Variants in TNIK observed in about 807,000 individuals in gnomAD.
TNIK encodes the protein TRAF2 and NCK-interacting protein kinase.
In TNIK, 49 loss-of-function variants were observed where a neutral mutation model predicts 191.3. The ratio of observed to expected loss-of-function variants is 0.26; its 90% CI spans 0.20 to 0.32. The LOEUF (loss-of-function observed/expected upper bound fraction) is 0.32, where lower values mean the gene tolerates loss of function less well. Ranked by LOEUF, TNIK falls within the 10% of genes least tolerant of loss-of-function variation. The pLI is 1.00. For synonymous variants in TNIK, 594 were observed against 600.9 expected, an observed-to-expected ratio of 0.99 and a Z score of 0.17; for missense variants, 1,155 against 1,702.3, an observed-to-expected ratio of 0.68 and a Z score of 5.66.
intron 12 of TNIK, among the ~76,000 whole-genome samples, chr3:171,155,650 G>A (rs915463110): frequency 6.6e-6 from 1 of 152,224 alleles, no homozygotes; most frequent in Non-Finnish European, 1.5e-5. Flanking sequence ...CAAGAGAAGA[G>A]ACACAAAGGA....
At chr3:171,411,495 T>TA (rs775766753) in intron 1 of TNIK, among the ~76,000 whole-genome samples, 1,669 of 148,294 alleles carry the variant, frequency 0.011, 39 homozygotes, top group African/African-American at 0.038. Context: ...GTCATCTGGG[T>TA]AAAAAAAAAA....
At chr3:171,127,531 T>C (rs1361437568) in intron 16 of TNIK, among the ~76,000 whole-genome samples, 1 of 152,204 alleles carries the variant, frequency 6.6e-6, no homozygotes, top group Non-Finnish European at 1.5e-5. Flanking sequence ...ATTTTCACTC[T>C]GGTTGTTCTC....
At chr3:171,096,005 A>AT (rs768852694) in intron 22 of TNIK, among the ~76,000 whole-genome samples, 41 of 151,124 alleles carry the variant, frequency 2.7e-4, no homozygotes, top group East Asian at 3.9e-4. Flanking sequence ...TGTATCTTCC[A>AT]TTTTTTTTTC....
rs1017969369 is a variant in TNIK, at chr3:171,126,264, C to T, written c.1774-113G>A. On this transcript the variant is annotated intron_variant, in intron 16 of 32. Transcript: ENST00000436636. Reference sequence around the variant, plus strand: ...AAAGTTCAAGGGCACAAAAATTGGACTATAGAGAGTCTATCACAACTATAT... The same window carrying T: ...AAAGTTCAAGGGCACAAAAATTGGATTATAGAGAGTCTATCACAACTATAT... 5.3e-6 allele frequency: 7 copies of T among 1,330,826 alleles called. No homozygotes were observed. In the African/African-American group the frequency reaches 7.5e-5, roughly 14 times the overall value. 82.4% of individuals were successfully genotyped at this position (1,330,826 alleles called of 1,614,324 possible).
intron 21 of TNIK, 25 bp downstream of exon 21, chr3:171,107,158 A>G (rs1725029420): frequency 5.0e-6 from 8 of 1,603,522 alleles, no homozygotes; most frequent in Non-Finnish European, 6.8e-6. Flanking sequence ...TTGTGAAAGC[A>G]TGACCAAGAA....
chr3:171,178,096 ATTTGGACTGTTTCTAG>A (rs1736169761), intron 7 of TNIK, among the ~76,000 whole-genome samples: 1 of 152,130 alleles, frequency 6.6e-6, no homozygotes, highest in Non-Finnish European at 1.5e-5. Context: ...CTGTTTTTGC[ATTTGGACTGTTTCTAG>A]TTTGGGCTAT....
At chr3:171,447,330 A>T (rs1244390628) in intron 1 of TNIK, among the ~76,000 whole-genome samples, 1 of 151,382 alleles carries the variant, frequency 6.6e-6, no homozygotes, top group Non-Finnish European at 1.5e-5. Flanking sequence ...ACACGTTATA[A>T]TCTGACATTG....
At chr3:171,280,653 A>T (rs924091816) in intron 2 of TNIK, among the ~76,000 whole-genome samples, 3 of 40,648 alleles carry the variant, frequency 7.4e-5, no homozygotes, top group East Asian at 2.6e-4. Flanking sequence ...CTCTAAATTA[A>T]AAAAAAAAAA....
intron 1 of TNIK, among the ~76,000 whole-genome samples, chr3:171,431,649 G>C (rs1725408488): frequency 6.6e-6 from 1 of 151,998 alleles, no homozygotes; most frequent in Non-Finnish European, 1.5e-5. Context: ...TACTGCTTTT[G>C]CGTCTTTTTT....
chr3:171,396,733 G>A (rs559786893), intron 1 of TNIK, among the ~76,000 whole-genome samples: 24 of 152,310 alleles, frequency 1.6e-4, no homozygotes, highest in African/African-American at 5.8e-4. Flanking sequence ...AAAGCCAGTA[G>A]CAAGAAGAGA....
rs78926800 is a variant in TNIK, at chr3:171,170,410, G to A, written c.774-3140C>T. Among the ~76,000 whole-genome samples the A allele has an allele frequency of 2.7e-3, 408 of 152,214 alleles. 1 individual carries two copies. Among genetic ancestry groups the A allele is most frequent in the African/African-American group, 9.5e-3 (395 of 41,524 alleles). On this transcript the variant is annotated intron_variant, in intron 9 of 32. Transcript: ENST00000436636. ...TTGGTAATCATCAGACTCCCTAAAC[G>A]CAATTTGGCCTAAAATTTGCATTGG...
intron 7 of TNIK, among the ~76,000 whole-genome samples, chr3:171,177,862 C>T (rs1453766874): frequency 6.6e-6 from 1 of 152,198 alleles, no homozygotes; most frequent in Admixed American, 6.5e-5. Context: ...CTGAACCCAT[C>T]CCCACTCTCC....
chr3:171,231,310 TTGTTTTG>T (rs2109000278), intron 2 of TNIK, among the ~76,000 whole-genome samples: 1 of 143,744 alleles, frequency 7.0e-6, no homozygotes, highest in African/African-American at 3.0e-5. Context: ...GTTGTTGTTG[TTGTTTTG>T]TTTTTTTTTT....
At chr3:171,108,240 T>C (rs1725272820) in intron 19 of TNIK, 78 bp from the exon 20 acceptor site, 3 of 1,136,544 alleles carry the variant, frequency 2.6e-6, no homozygotes, top group East Asian at 2.7e-5. Context: ...GAATTATCTG[T>C]GATGTGTCAT....
intron 13 of TNIK, 53 bp from the exon 14 acceptor site, chr3:171,139,609 G>T: frequency 1.3e-6 from 2 of 1,582,072 alleles, no homozygotes; most frequent in South Asian, 2.2e-5. Context: ...AGAGAGAAAT[G>T]AACCAGTAAT....
chr3:171,343,367 A>G (rs1711617594), intron 2 of TNIK, among the ~76,000 whole-genome samples: 1 of 152,222 alleles, frequency 6.6e-6, no homozygotes. Flanking sequence ...ATCTCAATAA[A>G]GCATCAATCT....
chr3:171,087,154 C>T (rs567542586), intron 24 of TNIK, among the ~76,000 whole-genome samples, 188 bp downstream of exon 24: 68 of 152,304 alleles, frequency 4.5e-4, no homozygotes, highest in African/African-American at 1.6e-3. Context: ...CAGATGATAT[C>T]TGAGAACTTT....
intron 3 of TNIK, among the ~76,000 whole-genome samples, chr3:171,217,445 G>T (rs76769356): frequency 6.6e-6 from 1 of 152,026 alleles, no homozygotes; most frequent in Admixed American, 6.6e-5. Flanking sequence ...TAGGTACTAT[G>T]GTCAGTACCT....
In TNIK at chr3:171,159,100, A is replaced by G. The variant is rs930558876; in HGVS notation, c.1017-1436T>C. 2.6e-5 allele frequency among the ~76,000 whole-genome samples: 4 copies of G among 152,120 alleles called. No homozygotes were observed. Among genetic ancestry groups the G allele is most frequent in the Non-Finnish European group, 4.4e-5 (3 of 68,014 alleles). ...CATGAGCAGATGGGTTTGGCTGCTA[A>G]ATGGATGACCTAGCGAGGGGTACAG... is the stretch of plus-strand genomic sequence containing the variant. On this transcript the variant is annotated intron_variant, in intron 11 of 32. Transcript: ENST00000436636. This position sits in a 1 kb window ranked among gnomAD's most constrained non-coding sequence, Gnocchi z 4.1.
Sources: gnomAD v4.1 joint callset for allele counts (sites outside exome capture counted in the v4.1 genomes callset) on GRCh38, gnomAD v4.1.1 for gene constraint, Gnocchi (gnomAD v3.1) non-coding constraint, MANE v1.5 for transcripts, NCBI Gene and HGNC (gene_info 2026-07-23, HGNC 2026-07-21) for gene names.